KLK8: variants seen among roughly 807,000 people sequenced by gnomAD.
KLK8 encodes kallikrein related peptidase 8.
In KLK8, 18 loss-of-function variants were observed where a neutral mutation model predicts 26.7. The ratio of observed to expected loss-of-function variants is 0.67; its 90% CI spans 0.47 to 1.00. The LOEUF (loss-of-function observed/expected upper bound fraction) is 1.00. KLK8 is among the 50% of genes least tolerant of loss of function. KLK8 has a pLI of 0.00. For synonymous variants in KLK8, 137 were observed against 127.1 expected, an observed-to-expected ratio of 1.08 and a Z score of -0.52; for missense variants, 301 against 331.7, an observed-to-expected ratio of 0.91 and a Z score of 0.72.
rs564380006 is a variant in KLK8, at chr19:50,996,483, C to T, written c.628-269G>A. On this transcript the variant is annotated intron_variant, in intron 6 of 6. Transcript: ENST00000600767. ...GCTTGGTGGCTCACACCTGCAATCC[C>T]GGCACTTTGGGAGGCCGAGGCGGTA... 7.9e-5 allele frequency among the ~76,000 whole-genome samples: 12 copies of T among 151,876 alleles called. No individual in the cohort carries two copies. In the South Asian group the frequency reaches 8.3e-4, roughly 11 times the overall value.
rs1216335708 is a variant in KLK8, at chr19:51,000,276, G to A, written c.231-18C>T. ...TGTATTTCCTGTAATGGTGGGGATA[G>A]TTTGGGACCCAGGCAGGGGTATTGC... On this transcript the variant is annotated intron_variant, in intron 4 of 6. Coordinates refer to ENST00000600767, the Ensembl canonical transcript of KLK8. The A allele has an allele frequency of 1.3e-6, 2 of 1,561,386 alleles. No individual in the cohort carries two copies. The highest frequency in any genetic ancestry group is 1.2e-5 in the South Asian group (1 of 83,304).
exon 7 of KLK8, chr19:50,996,023 G>C: frequency 6.2e-7 from 1 of 1,607,656 alleles, no homozygotes; most frequent in Non-Finnish European, 8.5e-7. Flanking sequence ...AGAGAGTTGT[G>C]AGTTTATTAA....
exon 4 of KLK8, chr19:51,000,496 C>G (rs776294629): frequency 1.2e-6 from 2 of 1,614,054 alleles, no homozygotes; most frequent in Non-Finnish European, 1.7e-6. Flanking sequence ...TAGTTGCTGG[C>G]CCTGGAACAA....
At chr19:50,999,510 CAG>C (rs2091199599) in intron 5 of KLK8, among the ~76,000 whole-genome samples, 1 of 135,080 alleles carries the variant, frequency 7.4e-6, no homozygotes, top group South Asian at 2.4e-4. Context: ...ACCCAGGAGG[CAG>C]AGATTGTAGT....
intron 5 of KLK8, among the ~76,000 whole-genome samples, chr19:50,998,700 A>C (rs1349606802): frequency 6.6e-6 from 1 of 152,238 alleles, no homozygotes; most frequent in East Asian, 1.9e-4. Flanking sequence ...GGAGAGATGC[A>C]TTCATTCATT....
chr19:51,000,037 T>G (rs2091206708), exon 5 of KLK8: 3 of 1,612,190 alleles, frequency 1.9e-6, no homozygotes, highest in Non-Finnish European at 8.5e-7. Context: ...GACGGTGCAC[T>G]TCTGGCCAGG....
At chr19:50,996,073 C>G in exon 7 of KLK8, 1 of 1,614,200 alleles carries the variant, frequency 6.2e-7, no homozygotes, top group Non-Finnish European at 8.5e-7. Flanking sequence ...CCCTTGCTGC[C>G]TATGATCTTC....
chr19:50,999,905 C>A (rs766971325), intron 5 of KLK8, 91 bp downstream of exon 4: 2 of 1,368,172 alleles, frequency 1.5e-6, no homozygotes, highest in Non-Finnish European at 2.0e-6. Context: ...TTCTTTGTCT[C>A]CCTCTGGGGG....
chr19:50,997,923 G>A (rs1262523257), intron 5 of KLK8, 39 bp from the exon 5 acceptor site: 1 of 1,611,274 alleles, frequency 6.2e-7, no homozygotes, highest in South Asian at 1.1e-5. Flanking sequence ...TGAGAGAGCA[G>A]CCCTTTGCCT....
chr19:50,996,075 A>G, exon 7 of KLK8: 1 of 1,614,228 alleles, frequency 6.2e-7, no homozygotes, highest in East Asian at 2.2e-5. Context: ...CTTGCTGCCT[A>G]TGATCTTCTT....
chr19:50,999,791 T>C (rs916881546), intron 5 of KLK8, among the ~76,000 whole-genome samples: 3 of 151,946 alleles, frequency 2.0e-5, no homozygotes, highest in African/African-American at 7.3e-5. Context: ...TGCTTAACAA[T>C]CTGCTAGTTG....
At chr19:50,997,778 G>A (rs762466313) in exon 6 of KLK8, 2 of 1,614,104 alleles carry the variant, frequency 1.2e-6, no homozygotes, top group South Asian at 1.1e-5. Flanking sequence ...CTTTGCTGCT[G>A]CCTGCACAGA....
intron 5 of KLK8, 96 bp from the exon 5 acceptor site, chr19:50,997,980 G>A: frequency 1.3e-6 from 2 of 1,507,776 alleles, no homozygotes; most frequent in South Asian, 2.4e-5. Context: ...GATGTAATGG[G>A]GGAGTTTTCC....
At chr19:51,001,237 G>T (rs926871084) in intron 2 of KLK8, 62 bp from the exon 2 acceptor site, 5 of 1,473,520 alleles carry the variant, frequency 3.4e-6, no homozygotes, top group Non-Finnish European at 4.7e-6. Context: ...CCCAGTTCTG[G>T]ATTTGGGCAC....
At position 51,000,260 on chromosome 19, in the gene KLK8, T is replaced by C; in HGVS notation, c.231-2A>G. The C allele has an allele frequency of 6.3e-7, 1 of 1,577,334 alleles. No individual in the cohort carries two copies. Among genetic ancestry groups the C allele is most frequent in the Non-Finnish European group, 8.6e-7 (1 of 1,156,340 alleles). ...TCTCCCAGGCGTACTGTGTATTTCCTGTAATGGTGGGGATAGTTTGGGACC... is the reference window on the plus strand; with the variant it reads ...TCTCCCAGGCGTACTGTGTATTTCCCGTAATGGTGGGGATAGTTTGGGACC... On this transcript the variant is annotated splice_acceptor_variant, in intron 4 of 6. Transcript: ENST00000600767. LOFTEE classifies it high-confidence loss of function.
exon 7 of KLK8, chr19:50,996,016 G>A: frequency 1.2e-6 from 2 of 1,602,208 alleles, no homozygotes; most frequent in Non-Finnish European, 1.7e-6. Context: ...AGGAACCAGA[G>A]AGTTGTGAGT....
chr19:51,000,743 A>C, intron 3 of KLK8, 160 bp from the exon 3 acceptor site: 1 of 1,518,894 alleles, frequency 6.6e-7, no homozygotes, highest in Non-Finnish European at 8.8e-7. Flanking sequence ...CACTCATTTC[A>C]GTCCATGTGT....
At chr19:50,997,997 A>C in intron 5 of KLK8, 113 bp from the exon 5 acceptor site, 1 of 1,353,960 alleles carries the variant, frequency 7.4e-7, no homozygotes, top group Non-Finnish European at 1.0e-6. Context: ...TTCCAGCTGC[A>C]TGGGGGAATT....
chr19:50,996,382 G>A (rs1232841189), intron 6 of KLK8, among the ~76,000 whole-genome samples, 168 bp from the exon 6 acceptor site: 1 of 152,170 alleles, frequency 6.6e-6, no homozygotes, highest in African/African-American at 2.4e-5. Flanking sequence ...GGGCTTCCAT[G>A]TACAGACAGA....
Sources: allele counts gnomAD v4.1 joint callset (sites outside exome capture counted in the v4.1 genomes callset), GRCh38; gene constraint gnomAD v4.1.1; transcripts MANE v1.5; gene names NCBI Gene and HGNC (gene_info 2026-07-23, HGNC 2026-07-21).